Variants in GPC5 observed in about 807,000 individuals in gnomAD.
GPC5 encodes the protein glypican-5.
GPC5 carries 47 observed loss-of-function variants against 53.9 expected under a neutral mutation model. That is an observed-to-expected ratio of 0.87 (90% confidence interval 0.69 to 1.11). GPC5 has a LOEUF of 1.11. Among genes scored for constraint, GPC5 ranks in the 50% most tolerant of loss-of-function variants. The pLI is 0.00. For missense variants in GPC5, 748 were observed against 713.1 expected (o/e 1.05, Z -0.56); for synonymous variants, 286 against 263.3 (o/e 1.09, Z -0.84).
intron 5 of GPC5, among the ~76,000 whole-genome samples, chr13:91,897,315 A>G (rs1463494493): frequency 6.7e-6 from 1 of 150,360 alleles, no homozygotes; most frequent in Non-Finnish European, 1.5e-5. Context: ...TATTCAAAGT[A>G]GAAGTAAATA....
In GPC5 at chr13:92,390,544, G is replaced by A. The variant is rs76227919; in HGVS notation, c.1561+245555G>A. Among the ~76,000 whole-genome samples the A allele has an allele frequency of 9.3e-3, 1,416 of 152,236 alleles. 13 individuals are homozygous for A. Among genetic ancestry groups the A allele is most frequent in the Middle Eastern group, 0.031 (9 of 294 alleles). ...CTTTTATGGGTTTGTGGTCAAGCGAGTTTAAACACCTGGTGCTTTTTACCC... is the reference window on the plus strand; with the variant it reads ...CTTTTATGGGTTTGTGGTCAAGCGAATTTAAACACCTGGTGCTTTTTACCC... On this transcript the variant is annotated intron_variant, in intron 7 of 7. Transcript: ENST00000377067.
At chr13:92,838,183 C>A (rs1005545655) in intron 7 of GPC5, among the ~76,000 whole-genome samples, 4 of 151,770 alleles carry the variant, frequency 2.6e-5, no homozygotes, top group Non-Finnish European at 4.4e-5. Flanking sequence ...ACTTTTAGCC[C>A]ACTGAAAGTA....
At chr13:92,757,385 A>G (rs1673071899) in intron 7 of GPC5, among the ~76,000 whole-genome samples, 1 of 152,244 alleles carries the variant, frequency 6.6e-6, no homozygotes, top group Admixed American at 6.5e-5. Context: ...ACCATGGAAG[A>G]AAACCTAGGC....
At chr13:92,742,319 GT>G (rs1475389585) in intron 7 of GPC5, among the ~76,000 whole-genome samples, 1 of 151,930 alleles carries the variant, frequency 6.6e-6, no homozygotes, top group Non-Finnish European at 1.5e-5. Flanking sequence ...TTTGATTTGT[GT>G]TTCTCTGATG....
intron 7 of GPC5, among the ~76,000 whole-genome samples, chr13:92,571,371 G>A (rs568913190): frequency 6.6e-6 from 1 of 152,288 alleles, no homozygotes; most frequent in South Asian, 2.1e-4. Flanking sequence ...GACACAAGCA[G>A]TAAGTGAAAG....
chr13:92,524,507 A>G (rs538268627), intron 7 of GPC5, among the ~76,000 whole-genome samples: 9 of 152,240 alleles, frequency 5.9e-5, no homozygotes, highest in African/African-American at 1.9e-4. Flanking sequence ...ACCCATGGAT[A>G]CAAAAGGCCA....
chr13:92,440,709 TC>T (rs1877515141), intron 7 of GPC5, among the ~76,000 whole-genome samples: 1 of 152,188 alleles, frequency 6.6e-6, no homozygotes, highest in African/African-American at 2.4e-5. Context: ...TAGTTTACAT[TC>T]TCAGTATATA....
At chr13:92,393,161 A>G (rs975303958) in intron 7 of GPC5, among the ~76,000 whole-genome samples, 2 of 152,218 alleles carry the variant, frequency 1.3e-5, no homozygotes, top group Admixed American at 6.5e-5. Context: ...AAAGCCCATC[A>G]GTGACAGACT....
chr13:92,440,048 A>G (rs1364953875), intron 7 of GPC5, among the ~76,000 whole-genome samples: 2 of 152,198 alleles, frequency 1.3e-5, no homozygotes, highest in Admixed American at 1.3e-4. Context: ...TTGTTAATCC[A>G]TTGGAGCCAC....
At chr13:91,847,685 A>G (rs2038867763) in intron 5 of GPC5, among the ~76,000 whole-genome samples, 1 of 152,218 alleles carries the variant, frequency 6.6e-6, no homozygotes, top group Middle Eastern at 3.2e-3. Flanking sequence ...AGGAAGAGAC[A>G]CCAGATTATT....
chr13:91,885,663 G>A (rs2138958534), intron 5 of GPC5, among the ~76,000 whole-genome samples: 1 of 152,218 alleles, frequency 6.6e-6, no homozygotes, highest in East Asian at 1.9e-4. Flanking sequence ...GAACTTTTCA[G>A]TGTGTCAGTT....
chr13:91,844,543 A>G (rs1339524449), intron 5 of GPC5, among the ~76,000 whole-genome samples: 1 of 152,128 alleles, frequency 6.6e-6, no homozygotes, highest in Non-Finnish European at 1.5e-5. Flanking sequence ...AATGGCTATG[A>G]ACAAACTCTG....
intron 5 of GPC5, among the ~76,000 whole-genome samples, chr13:91,878,174 G>C (rs565465763): frequency 9.9e-5 from 15 of 152,092 alleles, no homozygotes; most frequent in Non-Finnish European, 1.9e-4. Flanking sequence ...TGGGATTTTG[G>C]ATTATTTTGA....
chr13:92,078,464 T>C (rs1042032900), intron 6 of GPC5, among the ~76,000 whole-genome samples: 1 of 152,202 alleles, frequency 6.6e-6, no homozygotes, highest in Non-Finnish European at 1.5e-5. Flanking sequence ...TAGCTGTTAA[T>C]ACACGTAAAA....
rs541739321 is a variant in GPC5, at chr13:92,539,638, T to C, written c.1562-326644T>C. On this transcript the variant is annotated intron_variant, in intron 7 of 7. Coordinates refer to ENST00000377067, the MANE Select transcript of GPC5 (RefSeq NM_004466.6). Reference sequence around the variant, plus strand: ...GTAGGTTGCCTGTTCACTCTGATGATAGTTTTTTCTTTCTGTCTCTCTTTC... The same window carrying C: ...GTAGGTTGCCTGTTCACTCTGATGACAGTTTTTTCTTTCTGTCTCTCTTTC... Among the ~76,000 whole-genome samples the C allele has an allele frequency of 1.3e-3, 196 of 152,182 alleles. 2 individuals carry two copies. The highest frequency in any genetic ancestry group is 4.5e-3 in the African/African-American group (185 of 41,546).
At chr13:92,840,078 C>CATATATATATATATATATAT (rs4001881) in intron 7 of GPC5, among the ~76,000 whole-genome samples, 2 of 98,986 alleles carry the variant, frequency 2.0e-5, no homozygotes, top group Non-Finnish European at 2.1e-5. Context: ...TATATACATA[C>CATATATATATATATATATAT]ATATATATAT....
At chr13:92,704,218 A>G (rs1161280984) in intron 7 of GPC5, among the ~76,000 whole-genome samples, 1 of 152,056 alleles carries the variant, frequency 6.6e-6, no homozygotes. Context: ...ATGTTTCAAA[A>G]ATAACCCTTT....
chr13:92,631,984 G>T (rs2139133306), intron 7 of GPC5, among the ~76,000 whole-genome samples: 1 of 152,190 alleles, frequency 6.6e-6, no homozygotes, highest in Non-Finnish European at 1.5e-5. Context: ...AAACATTTCA[G>T]GTCCCAAGCA....
At chr13:92,375,980 A>G (rs911727895) in intron 7 of GPC5, among the ~76,000 whole-genome samples, 1 of 152,210 alleles carries the variant, frequency 6.6e-6, no homozygotes, top group African/African-American at 2.4e-5. Flanking sequence ...AGCTATGCTA[A>G]TGGGAGACAC....
Sources: allele counts gnomAD v4.1 joint callset (sites outside exome capture counted in the v4.1 genomes callset), GRCh38; gene constraint gnomAD v4.1.1; transcripts MANE v1.5; gene names NCBI Gene and HGNC (gene_info 2026-07-23, HGNC 2026-07-21).